Variants in RCC1 observed in about 807,000 individuals in gnomAD.
RCC1 encodes the protein regulator of chromosome condensation 1.
In RCC1, 11 loss-of-function variants were observed where a neutral mutation model predicts 44.4. The observed-to-expected ratio is 0.25, with a 90% CI of 0.16 to 0.41. The LOEUF (loss-of-function observed/expected upper bound fraction) is 0.41. Among genes scored for constraint, RCC1 ranks in the 10% least tolerant of loss-of-function variants. The pLI is 1.00. For synonymous variants in RCC1, 213 were observed against 216.5 expected, an observed-to-expected ratio of 0.98 and a Z score of 0.14; for missense variants, 386 against 547.1, an observed-to-expected ratio of 0.71 and a Z score of 2.94.
intron 5 of RCC1, chr1:28,530,756 G>C: frequency 1.6e-6 from 1 of 612,790 alleles, no homozygotes. Flanking sequence ...AGAGAGCCCC[G>C]GGCGCGCACC....
chr1:28,507,535 A>T (rs374189865), intron 1 of RCC1: 4 of 518,218 alleles, frequency 7.7e-6, no homozygotes, highest in Non-Finnish European at 1.5e-5. Context: ...AGTCCTGTCG[A>T]CAATTACTGG....
intron 7 of RCC1, among the ~76,000 whole-genome samples, chr1:28,533,267 C>A (rs1462206453): frequency 2.0e-5 from 3 of 150,524 alleles, no homozygotes; most frequent in Admixed American, 2.0e-4. Flanking sequence ...GTCAGGAGAT[C>A]GAGACCATAC....
chr1:28,533,470 CAA>C (rs201704268), intron 7 of RCC1, among the ~76,000 whole-genome samples: 5 of 107,326 alleles, frequency 4.7e-5, no homozygotes, highest in Non-Finnish European at 5.8e-5. Flanking sequence ...GACTCCATCT[CAA>C]AAAAAAAAAA....
chr1:28,514,449 C>CA (rs59770782), intron 3 of RCC1, among the ~76,000 whole-genome samples: 38,635 of 135,490 alleles, frequency 0.29, 5,301 homozygotes, highest in Middle Eastern at 0.36. Flanking sequence ...GACTCCGTCT[C>CA]AAAAAAAAAA....
At chr1:28,511,975 CCTT>C (rs1314793746) in intron 3 of RCC1, among the ~76,000 whole-genome samples, 45 of 122,648 alleles carry the variant, frequency 3.7e-4, no homozygotes, top group African/African-American at 1.2e-3. Context: ...CAAGCCTGAT[CCTT>C]TTTTTTTTTT....
At chr1:28,511,176 G>A (rs1662511012) in intron 3 of RCC1, among the ~76,000 whole-genome samples, 1 of 152,114 alleles carries the variant, frequency 6.6e-6, no homozygotes, top group Admixed American at 6.6e-5. Context: ...ACCACTTGCT[G>A]TTCATGAGAC....
chr1:28,527,096 C>T (rs769183308), intron 4 of RCC1: 42 of 1,022,706 alleles, frequency 4.1e-5, no homozygotes, highest in Non-Finnish European at 6.3e-5. Flanking sequence ...AACCAGACCA[C>T]AATATGTTTG....
In RCC1 at chr1:28,536,657, C is replaced by T. The variant is rs1664572655; in HGVS notation, c.938-90C>T. Reference sequence around the variant, plus strand: ...ATCGCTCTGGGAGCAGGGACACACTCCCATGGACAGGTGGACTCACCTAGC... The same window carrying T: ...ATCGCTCTGGGAGCAGGGACACACTTCCATGGACAGGTGGACTCACCTAGC... On this transcript the variant is annotated intron_variant, in intron 11 of 12. Coordinates refer to ENST00000683442, the MANE Select transcript of RCC1 (RefSeq NM_001381865.2). The surrounding 1 kb of genome is among the most constrained non-coding windows in gnomAD (Gnocchi z 4.9). 4 of 1,472,280 alleles carry T rather than the reference C, an allele frequency of 2.7e-6. No individual in the cohort carries two copies. Among genetic ancestry groups the T allele is most frequent in the Admixed American group, 3.5e-5 (2 of 56,480 alleles). The allele number at this position is 1,472,280 out of a possible 1,614,324, so 91.2% of individuals were successfully genotyped here.
At chr1:28,509,776 T>A (rs1013706583) in intron 3 of RCC1, 1 of 152,050 alleles carries the variant, frequency 6.6e-6, no homozygotes, top group South Asian at 2.1e-4. Context: ...TTGGGTTCAC[T>A]TTATATTGGC....
intron 7 of RCC1, among the ~76,000 whole-genome samples, chr1:28,533,934 A>G (rs1664376995): frequency 1.7e-5 from 2 of 115,850 alleles, no homozygotes; most frequent in African/African-American, 6.7e-5. Context: ...TTGGAGTGCA[A>G]TGACACAATC....
intron 4 of RCC1, among the ~76,000 whole-genome samples, 161 bp downstream of exon 4, chr1:28,517,028 GGA>G (rs1269830747): frequency 2.0e-5 from 3 of 151,938 alleles, no homozygotes; most frequent in Non-Finnish European, 2.9e-5. Flanking sequence ...GGCTGAGGCA[GGA>G]GAATCGCTTG....
At chr1:28,512,306 C>G (rs576076915) in intron 3 of RCC1, among the ~76,000 whole-genome samples, 1 of 152,200 alleles carries the variant, frequency 6.6e-6, no homozygotes, top group East Asian at 1.9e-4. Flanking sequence ...CTCACTGGCT[C>G]TTGAAGGCAG....
chr1:28,510,314 C>T (rs1662425959), intron 3 of RCC1: 1 of 152,142 alleles, frequency 6.6e-6, no homozygotes, highest in African/African-American at 2.4e-5. Context: ...TTCTTACAAG[C>T]TAAGAGGAGT....
At chr1:28,513,461 C>CTAG (rs1173016796) in intron 3 of RCC1, among the ~76,000 whole-genome samples, 2 of 152,154 alleles carry the variant, frequency 1.3e-5, no homozygotes, top group Non-Finnish European at 2.9e-5. Context: ...TCCCAAAGTG[C>CTAG]TAGAATTACA....
At chr1:28,530,097 C>G (rs558869772) in intron 5 of RCC1, among the ~76,000 whole-genome samples, 158 bp downstream of exon 5, 3 of 151,584 alleles carry the variant, frequency 2.0e-5, no homozygotes, top group Non-Finnish European at 4.4e-5. Context: ...TTGAATCCTA[C>G]CCTCTGGGAA....
chr1:28,510,215 A>G (rs188163869), intron 3 of RCC1: 8 of 152,456 alleles, frequency 5.2e-5, no homozygotes, highest in Admixed American at 5.2e-4. Flanking sequence ...TGGACTGTAG[A>G]GCTTGCTTGC....
At chr1:28,509,123 C>G (rs1018871551) in intron 3 of RCC1, 1 of 324,920 alleles carries the variant, frequency 3.1e-6, no homozygotes, top group African/African-American at 2.2e-5. Context: ...TTTTAAAAGT[C>G]GACCTGTTTT....
At chr1:28,531,259 C>CTTTT (rs769808394) in intron 5 of RCC1, among the ~76,000 whole-genome samples, 6,279 of 131,140 alleles carry the variant, frequency 0.048, 410 homozygotes, top group Middle Eastern at 0.078. Context: ...GCTTTCTTTT[C>CTTTT]TTTTTCTTTT....
chr1:28,514,531 A>G (rs1662768706), intron 3 of RCC1, among the ~76,000 whole-genome samples: 1 of 150,900 alleles, frequency 6.6e-6, no homozygotes, highest in Non-Finnish European at 1.5e-5. Context: ...GGAGGCTGAG[A>G]CTGGCGGATC....
Sources: allele counts gnomAD v4.1 joint callset (sites outside exome capture counted in the v4.1 genomes callset), GRCh38; gene constraint gnomAD v4.1.1; non-coding constraint Gnocchi (gnomAD v3.1); transcripts MANE v1.5; gene names NCBI Gene and HGNC (gene_info 2026-07-23, HGNC 2026-07-21).